Variants in TMEM185A observed in about 807,000 individuals in gnomAD.
TMEM185A encodes family with sequence similarity 11, member A.
TMEM185A carries 9 observed loss-of-function variants against 25.0 expected under a neutral mutation model. That is an observed-to-expected ratio of 0.36 (90% CI 0.22 to 0.63). The LOEUF (loss-of-function observed/expected upper bound fraction) is 0.63. Ranked by LOEUF, TMEM185A falls within the 20% of genes least tolerant of loss-of-function variation. The probability of loss-of-function intolerance (pLI) is 0.68; values close to 1 mark genes in which losing one functional copy is unlikely to be tolerated. For missense variants in TMEM185A, 103 were observed against 237.4 expected, an observed-to-expected ratio of 0.43 and a Z score of 3.72; for synonymous variants, 45 against 93.5, an observed-to-expected ratio of 0.48 and a Z score of 2.99.
At chrX:149,605,974 T>C (rs1557353408) in intron 3 of TMEM185A, among the ~76,000 whole-genome samples, 1 of 112,233 alleles carries the variant, frequency 8.9e-6, no homozygotes, top group Non-Finnish European at 1.9e-5. Context: ...CCAAAAGAAA[T>C]CCCTAATGTG....
chrX:149,599,506 T>TCCCCCC, intron 6 of TMEM185A, 48 bp downstream of exon 6: 1 of 285,269 alleles, frequency 3.5e-6, no homozygotes. Context: ...CACCCCCTGG[T>TCCCCCC]CCCCCCCCAG....
At chrX:149,605,439 A>G (rs781916619) in intron 3 of TMEM185A, among the ~76,000 whole-genome samples, 1 of 71,597 alleles carries the variant, frequency 1.4e-5, no homozygotes, top group South Asian at 7.0e-4. Context: ...CCATGTCACT[A>G]TGGCCTCCCA....
chrX:149,612,928 C>A (rs781908110), intron 1 of TMEM185A, among the ~76,000 whole-genome samples: 11 of 111,963 alleles, frequency 9.8e-5, no homozygotes, highest in Non-Finnish European at 1.9e-4. Flanking sequence ...ATAGCATATT[C>A]AATCTTTCTC....
chrX:149,610,391 G>A (rs1415483164), intron 2 of TMEM185A, among the ~76,000 whole-genome samples: 2 of 79,755 alleles, frequency 2.5e-5, no homozygotes, highest in Non-Finnish European at 4.4e-5. Context: ...TCACACCATT[G>A]CACTCCAGCC....
At chrX:149,602,646 C>T (rs1266358264) in intron 4 of TMEM185A, among the ~76,000 whole-genome samples, 1 of 112,477 alleles carries the variant, frequency 8.9e-6, no homozygotes, top group African/African-American at 3.2e-5. Context: ...CAGAAAAAAT[C>T]TTTCTTCTCA....
At chrX:149,607,205 G>T (rs1432540497) in intron 3 of TMEM185A, among the ~76,000 whole-genome samples, 1 of 111,536 alleles carries the variant, frequency 9.0e-6, no homozygotes, top group Non-Finnish European at 1.9e-5. Context: ...CATACCTGGG[G>T]TCTAGGCTTA....
chrX:149,627,560 A>C (rs1294095028), intron 1 of TMEM185A, among the ~76,000 whole-genome samples: 1 of 112,205 alleles, frequency 8.9e-6, no homozygotes, highest in African/African-American at 3.2e-5. Context: ...ATTCTAGCTC[A>C]AAAGTCTGGC....
intron 1 of TMEM185A, among the ~76,000 whole-genome samples, chrX:149,625,311 C>G (rs1420422694): frequency 7.1e-5 from 8 of 112,368 alleles, no homozygotes; most frequent in East Asian, 2.8e-4. Context: ...TACCCAACAT[C>G]CACTCATTCA....
chrX:149,629,608 G>A (rs1373884577), intron 1 of TMEM185A, among the ~76,000 whole-genome samples: 1 of 112,469 alleles, frequency 8.9e-6, no homozygotes, highest in African/African-American at 3.2e-5. Flanking sequence ...AACTTTTCAG[G>A]TAGAAATACA....
At chrX:149,605,765 G>A (rs1195478622) in intron 3 of TMEM185A, among the ~76,000 whole-genome samples, 8 of 111,734 alleles carry the variant, frequency 7.2e-5, no homozygotes, top group South Asian at 3.8e-4. Flanking sequence ...GGCCTTCTTC[G>A]GCACCATCCG....
intron 2 of TMEM185A, among the ~76,000 whole-genome samples, chrX:149,610,428 CAAAAAAAAAAAAAAAAA>C (rs374846385): frequency 7.5e-5 from 2 of 26,599 alleles, no homozygotes; most frequent in African/African-American, 1.4e-4. Context: ...AACTCTGTCT[CAAAAAAAAAAAAAAAAA>C]AAAAAAAAAA....
At chrX:149,602,181 G>C (rs1557352432) in intron 4 of TMEM185A, 1 of 108,102 alleles carries the variant, frequency 9.3e-6, no homozygotes, top group Admixed American at 9.9e-5. Flanking sequence ...TCAGTGTTTT[G>C]ATGTGTGCTT....
At position 149,597,226 on chromosome X, in the gene TMEM185A, G is replaced by C. The variant is rs1372805456; in HGVS notation, c.*785C>G. The C allele has an allele frequency of 3.7e-5, 3 of 82,124 alleles. No individual in the cohort carries two copies. Among genetic ancestry groups the C allele is most frequent in the East Asian group, 6.2e-4 (2 of 3,252 alleles). The allele number at this position is 82,124 out of a possible 1,213,427, so 6.8% of individuals were successfully genotyped here. On this transcript the variant is annotated 3_prime_UTR_variant, in exon 7 of 7. Coordinates refer to ENST00000600449, the MANE Select transcript of TMEM185A (RefSeq NM_032508.4). ...ATGAAGGCGTGGCACCCCACGGGGGGGGGGGGAGTGTGCCACGGGCGTCCA... is the reference window on the plus strand; with the variant it reads ...ATGAAGGCGTGGCACCCCACGGGGGCGGGGGGAGTGTGCCACGGGCGTCCA...
In TMEM185A at chrX:149,596,809, CTCTT is replaced by C. The variant is rs2089992238; in HGVS notation, c.*1198_*1201del. ...CTTCTCCTGGCTGAGAAGATCAAAG[CTCTT>C]TTTTTACCCTCTTTTCAGCAAAGGA... On this transcript the variant is annotated 3_prime_UTR_variant, in exon 7 of 7. Coordinates refer to ENST00000600449, the MANE Select transcript of TMEM185A (RefSeq NM_032508.4). 1 of 114,276 alleles carries C rather than the reference CTCTT, an allele frequency of 8.8e-6. No homozygotes were observed. Among genetic ancestry groups the C allele is most frequent in the South Asian group, 3.4e-4 (1 of 2,937 alleles). 9.4% of individuals were successfully genotyped at this position (114,276 alleles called of 1,213,427 possible).
At chrX:149,606,058 G>C (rs2090049914) in intron 3 of TMEM185A, among the ~76,000 whole-genome samples, 1 of 112,161 alleles carries the variant, frequency 8.9e-6, no homozygotes, top group Non-Finnish European at 1.9e-5. Context: ...GTAGCCACTA[G>C]AAAAAATAAT....
chrX:149,609,558 G>A (rs1314208462), intron 2 of TMEM185A, among the ~76,000 whole-genome samples: 2 of 112,578 alleles, frequency 1.8e-5, no homozygotes, highest in African/African-American at 3.2e-5. Flanking sequence ...TGGTAAGGCC[G>A]CTAATCAGGA....
Position 149,611,303 on chromosome X carries a change from G to T in TMEM185A, c.199C>A (p.Arg67=), listed in dbSNP as rs782664770. ...GASVGTGVWA[R]NPQYRAEGET... is the part of the protein sequence containing the mutation. ...CAGTATTACCGATATTGAGGATTTC[G>T]TGCCCAGACTCCAGTTCCAACTGAG... Residue 67 remains arginine, a synonymous_variant, in exon 2 of 7, where the codon CGA becomes AGA. Coordinates refer to ENST00000600449, the MANE Select transcript of TMEM185A (RefSeq NM_032508.4). 9.1e-6 allele frequency: 11 copies of T among 1,208,445 alleles called. No individual in the cohort carries two copies. In the Middle Eastern group the frequency reaches 6.9e-4, roughly 76 times the overall value.
Position 149,631,640 on chromosome X carries a change from C to G in TMEM185A, c.-60G>C. On this transcript the variant is annotated 5_prime_UTR_variant, in exon 1 of 7. Transcript: ENST00000600449. ...TCCCCCGCACCCCGTGCTGCACAGC[C>G]TGCGCCTTACAGCGGGTTCATGGCG... 9.4e-7 allele frequency: 1 copy of G among 1,063,729 alleles called. No homozygotes were observed. The highest frequency in any genetic ancestry group is 1.2e-6 in the Non-Finnish European group (1 of 800,474). The allele number at this position is 1,063,729 out of a possible 1,213,427, so 87.7% of individuals were successfully genotyped here. A position where few individuals can be genotyped will look rare whatever the true frequency, so the allele number is the denominator to read the frequency against.
At chrX:149,612,673 TCTCTA>T (rs1175932652) in intron 1 of TMEM185A, among the ~76,000 whole-genome samples, 7 of 112,213 alleles carry the variant, frequency 6.2e-5, no homozygotes, top group Non-Finnish European at 9.4e-5. Context: ...TTGGTTGGTT[TCTCTA>T]CTCAGAATCT....
Sources: gnomAD v4.1 joint callset for allele counts (sites outside exome capture counted in the v4.1 genomes callset) on GRCh38, gnomAD v4.1.1 for gene constraint, MANE v1.5 for transcripts, NCBI Gene and HGNC (gene_info 2026-07-23, HGNC 2026-07-21) for gene names.